The following UBR4 variants were observed in gnomAD, a reference collection of about 807,000 sequenced individuals.
The protein encoded by UBR4 is ubiquitin protein ligase E3 component n-recognin 4.
UBR4 carries 124 observed loss-of-function variants against 575.6 expected under a neutral mutation model. The ratio of observed to expected loss-of-function variants is 0.22; its 90% confidence interval spans 0.19 to 0.25. The LOEUF (loss-of-function observed/expected upper bound fraction) is 0.25, where lower values mean the gene tolerates loss of function less well. UBR4 is among the 10% of genes least tolerant of loss of function. The pLI is 1.00. For synonymous variants in UBR4, 2,455 were observed against 2,473.7 expected (o/e 0.99, Z 0.22); for missense variants, 4,818 against 6,478.8 (o/e 0.74, Z 8.80).
intron 60 of UBR4, among the ~76,000 whole-genome samples, chr1:19,132,263 C>G (rs2082566251): frequency 6.6e-6 from 1 of 151,980 alleles, no homozygotes; most frequent in South Asian, 2.1e-4. Flanking sequence ...CTCATAGCAA[C>G]CTCCACCTCC....
At chr1:19,179,660 C>G (rs1177442921) in intron 17 of UBR4, among the ~76,000 whole-genome samples, 1 of 152,134 alleles carries the variant, frequency 6.6e-6, no homozygotes, top group Non-Finnish European at 1.5e-5. Context: ...TTTAGAGATC[C>G]GCAGTATTCG....
chr1:19,142,500 A>C (rs1470547155), intron 55 of UBR4, among the ~76,000 whole-genome samples: 3 of 152,220 alleles, frequency 2.0e-5, no homozygotes, highest in Admixed American at 1.3e-4. Context: ...AAGAGCCACA[A>C]ACTGCTGCCT....
At chr1:19,201,682 G>T in intron 2 of UBR4, 36 bp downstream of exon 2, 1 of 1,555,182 alleles carries the variant, frequency 6.4e-7, no homozygotes, top group African/African-American at 1.4e-5. Context: ...CTATTCACAA[G>T]CCCTCAGAAG....
In UBR4 at chr1:19,164,558, T is replaced by C. The variant is rs75663596; in HGVS notation, c.4512-117A>G. ...ATAACTACAATACCAATCCCAGCTT[T>C]GGACTTGGGCTAGTAGAGCATAAAA... is the stretch of plus-strand genomic sequence containing the variant. On this transcript the variant is annotated intron_variant, in intron 32 of 105. Transcript: ENST00000375254. 439 of 1,247,334 alleles carry C rather than the reference T, an allele frequency of 3.5e-4. 3 individuals carry two copies. In the East Asian group the frequency reaches 0.011, roughly 31 times the overall value. The allele number at this position is 1,247,334 out of a possible 1,614,324, so 77.3% of individuals were successfully genotyped here.
rs954846564 is a variant in UBR4 at position 19,194,735 on chromosome 1, G to A, written c.1019-1178C>T. 1.3e-5 allele frequency among the ~76,000 whole-genome samples: 2 copies of A among 152,194 alleles called. 1 individual carries two copies. Among genetic ancestry groups the A allele is most frequent in the African/African-American group, 4.8e-5 (2 of 41,438 alleles). ...GAGAATCACTTGAACCTGGGGGGCA[G>A]AGGTTACAGTGAGCTAAGATTGAGC... On this transcript the variant is annotated intron_variant, in intron 8 of 105. Coordinates refer to ENST00000375254, the MANE Select transcript of UBR4 (RefSeq NM_020765.3).
chr1:19,161,541 C>T (rs368293867), intron 37 of UBR4, 48 bp downstream of exon 37: 78 of 1,543,138 alleles, frequency 5.1e-5, no homozygotes, highest in Non-Finnish European at 6.5e-5. Context: ...TCAGTAATCC[C>T]GTGTCACTAA....
rs757232869 is a variant in UBR4, at chr1:19,096,565, G to A, written c.13476C>T (p.Leu4492=). ...CGGLECMLNR[L]AGIRDFKQGR... ...CCTGCTTGAAATCTCTGATCCCTGC[G>A]AGTCTGTTAAGCATGCATTCCAGGC... The change falls in exon 92 of 106, where the codon CTC becomes CTT. Residue 4492 remains leucine, a synonymous_variant. Coordinates refer to ENST00000375254, the MANE Select transcript of UBR4 (RefSeq NM_020765.3). The A allele has an allele frequency of 8.7e-6, 14 of 1,613,450 alleles. No homozygotes were observed. Among genetic ancestry groups the A allele is most frequent in the East Asian group, 2.2e-5 (1 of 44,814 alleles).
rs1347778939 is a variant in UBR4, at chr1:19,160,977, C to T, written c.5346G>A (p.Lys1782=). ...TGCGGCAGAGGCTGCTCTTCTTGGG[C>T]TTCTCTTCGTCAGCAACCTTTCCAT... ...ISDGKVADEE[K]PKKSSLCRTV... Residue 1782 remains lysine (K), a synonymous_variant, in exon 38 of 106, where the codon AAG becomes AAA. Coordinates refer to ENST00000375254, the MANE Select transcript of UBR4 (RefSeq NM_020765.3). 6.2e-7 allele frequency: 1 copy of T among 1,614,206 alleles called. No homozygotes were observed. The highest frequency in any genetic ancestry group is 2.2e-5 in the East Asian group (1 of 44,880).
rs1230028695 is a variant in UBR4 at position 19,163,953 on chromosome 1, A to ATCT, written c.4701-127_4701-126insAGA. 4 of 1,046,080 alleles carry ATCT rather than the reference A, an allele frequency of 3.8e-6. No homozygotes were observed. In the East Asian group the frequency reaches 9.7e-5, roughly 25 times the overall value. The allele number at this position is 1,046,080 out of a possible 1,614,324, so 64.8% of individuals were successfully genotyped here. ...ACTGTGAAGCAGAAGCATTCTTAGA[A>ATCT]AACTCCATAAGTACTATATAGTTAC... On this transcript the variant is annotated intron_variant, in intron 33 of 105. Coordinates refer to ENST00000375254, the MANE Select transcript of UBR4 (RefSeq NM_020765.3).
rs1304263853 is a variant in UBR4 at position 19,162,502 on chromosome 1, C to G, written c.4874G>C (p.Gly1625Ala). The G allele has an allele frequency of 1.2e-6, 2 of 1,613,994 alleles. No individual in the cohort carries two copies. The highest frequency in any genetic ancestry group is 1.7e-6 in the Non-Finnish European group (2 of 1,179,968). ...GTCTACTTCAATGGCCCGCTCTTCC[C>G]CATCCACTGAGAGATGACTTGGGCC... ...GQGPSHLSVD[G>A]EERAIEVDSD... is the part of the protein sequence containing the mutation. The change falls in exon 35 of 106, where the codon GGG becomes GCG. Residue 1625 changes from glycine (G) to alanine (A), a missense_variant. Gly to Ala is a moderately conservative substitution (Grantham distance 60). This residue lies in a region of UBR4 where 1,172 missense variants were observed against 1,259.7 expected (regional missense o/e 0.93). Transcript: ENST00000375254.
At chr1:19,118,782 C>A in intron 71 of UBR4, 90 bp downstream of exon 71, 1 of 1,348,404 alleles carries the variant, frequency 7.4e-7, no homozygotes, top group South Asian at 1.2e-5. Context: ...AGGCGCTTGT[C>A]AATTCCTATG....
At chr1:19,137,012 T>A (rs1433389855) in intron 60 of UBR4, among the ~76,000 whole-genome samples, 1 of 152,064 alleles carries the variant, frequency 6.6e-6, no homozygotes, top group African/African-American at 2.4e-5. Flanking sequence ...TAGTTCAAAA[T>A]TCTGGGCCAG....
At chr1:19,177,058 G>A (rs949509315) in intron 19 of UBR4, among the ~76,000 whole-genome samples, 1 of 152,114 alleles carries the variant, frequency 6.6e-6, no homozygotes, top group African/African-American at 2.4e-5. Flanking sequence ...AAGTCTGAAC[G>A]GATCCTCCTA....
chr1:19,205,345 C>T (rs183820650), intron 1 of UBR4, among the ~76,000 whole-genome samples: 21 of 152,274 alleles, frequency 1.4e-4, no homozygotes, highest in Admixed American at 4.6e-4. Context: ...AAGGATTCAC[C>T]TCCCTTCTCC....
chr1:19,122,742 G>T, intron 66 of UBR4, 91 bp downstream of exon 66: 1 of 1,399,486 alleles, frequency 7.1e-7, no homozygotes, highest in Non-Finnish European at 1.0e-6. Context: ...ACAGTTAAAA[G>T]TCCTGCATTA....
rs1433570911 is a variant in UBR4 at position 19,144,002 on chromosome 1, G to A, written c.8157C>T (p.Ser2719=). 1.9e-6 allele frequency: 3 copies of A among 1,613,842 alleles called. No homozygotes were observed. In the Admixed American group the frequency reaches 5.0e-5, roughly 27 times the overall value. Residue 2719 remains serine (S), a synonymous_variant, in exon 55 of 106, where the codon TCC becomes TCT. Transcript: ENST00000375254. The part of the protein sequence containing the change: ...NKRRHVTLPS[S]PRSNTPMGDK... ...TACCCATTGGAGTGTTGCTTCGAGG[G>A]GAAGAGGGTAAAGTCACATGTCTCC... is the stretch of plus-strand genomic sequence containing the variant.
chr1:19,076,994 A>AG, intron 104 of UBR4, 92 bp from the exon 105 acceptor site: 1 of 1,394,064 alleles, frequency 7.2e-7, no homozygotes, highest in Non-Finnish European at 9.7e-7. Context: ...AACCCCTCAA[A>AG]GGACAGCCCT....
intron 8 of UBR4, among the ~76,000 whole-genome samples, chr1:19,195,566 A>G (rs1362754959): frequency 6.6e-6 from 1 of 152,094 alleles, no homozygotes; most frequent in African/African-American, 2.4e-5. Context: ...AAATAAATAA[A>G]CCCCAAATTT....
chr1:19,086,847 G>C (rs768585001), intron 99 of UBR4, 26 bp from the exon 100 acceptor site: 8 of 1,611,620 alleles, frequency 5.0e-6, no homozygotes, highest in Non-Finnish European at 6.8e-6. Context: ...CATAAGGAGA[G>C]GGGAGGAGAA....
Sources: gnomAD v4.1 joint callset for allele counts (sites outside exome capture counted in the v4.1 genomes callset) on GRCh38, gnomAD v4.1.1 for gene constraint, gnomAD v4.1.1 regional missense constraint, MANE v1.5 for transcripts, NCBI Gene and HGNC (gene_info 2026-07-23, HGNC 2026-07-21) for gene names.